Variants in IFNGR2 observed in about 807,000 individuals in gnomAD.
IFNGR2 encodes the protein IFN-gamma receptor 2.
A neutral mutation model predicts 41.1 loss-of-function variants in IFNGR2; 15 were observed. That is an observed-to-expected ratio of 0.37 (90% CI 0.24 to 0.56). IFNGR2 has a LOEUF of 0.56. Among genes scored for constraint, IFNGR2 ranks in the 20% least tolerant of loss-of-function variants. The pLI, the probability that IFNGR2 is intolerant of heterozygous loss-of-function variation, is 0.81. For missense variants in IFNGR2, 362 were observed against 415.7 expected, an observed-to-expected ratio of 0.87 and a Z score of 1.12; for synonymous variants, 161 against 171.6, an observed-to-expected ratio of 0.94 and a Z score of 0.48.
rs1389250267 is a variant in IFNGR2 at position 33,415,040 on chromosome 21, G to A, written c.206+20G>A. 1.9e-6 allele frequency: 3 copies of A among 1,613,710 alleles called. No individual in the cohort carries two copies. The East Asian group carries it at 6.7e-5, about 36-fold the overall frequency. On this transcript the variant is annotated intron_variant, in intron 2 of 6. Transcript: ENST00000290219. ...TAAATAGTAAGCCGGTATTTCTGTT[G>A]GATCCTTGCTGGGAGCTGTGGGGGC...
rs17878895 is a variant in IFNGR2 at position 33,437,180 on chromosome 21, G to A, written c.*218G>A. On this transcript the variant is annotated 3_prime_UTR_variant, in exon 7 of 7. Coordinates refer to ENST00000290219, the MANE Select transcript of IFNGR2 (RefSeq NM_005534.4). ...AAATCAAATTCCAGAATGATTTTACGGAGATATCCCAGGAAAATTAAGGCT... is the reference window on the plus strand; with the variant it reads ...AAATCAAATTCCAGAATGATTTTACAGAGATATCCCAGGAAAATTAAGGCT... 40 of 541,110 alleles carry A rather than the reference G, an allele frequency of 7.4e-5. No individual in the cohort carries two copies. The highest frequency in any genetic ancestry group is 5.4e-4 in the Admixed American group (17 of 31,430). 33.5% of individuals were successfully genotyped at this position (541,110 alleles called of 1,614,324 possible).
Position 33,421,552 on chromosome 21 carries a change from G to A in IFNGR2, c.279G>A (p.Glu93=). Residue 93 remains glutamate (E), a synonymous_variant, in exon 3 of 7, where the codon GAG becomes GAA. Coordinates refer to ENST00000290219, the MANE Select transcript of IFNGR2 (RefSeq NM_005534.4). The stretch of plus-strand genomic sequence containing the variant: ...ATTGTACACAGATCACAGCAACAGA[G>A]TGTGACTTCACTGCCGCCAGTCCCT... ...GVNCTQITAT[E]CDFTAASPSA... is the part of the protein sequence containing the mutation. The A allele has an allele frequency of 6.8e-6, 11 of 1,614,030 alleles. No homozygotes were observed. Among genetic ancestry groups the A allele is most frequent in the Non-Finnish European group, 9.3e-6 (11 of 1,179,974 alleles).
Position 33,411,306 on chromosome 21 carries a change from G to A in IFNGR2, c.74-3582G>A, listed in dbSNP as rs1215181342. On this transcript the variant is annotated intron_variant, in intron 1 of 6. Transcript: ENST00000290219. ...GTTCCACGCGTCGCTTGGGGTGGAA[G>A]CCCTTCCTTGTCCCCTCGCCACCCA... 1.6e-5 allele frequency: 6 copies of A among 379,050 alleles called. No individual in the cohort carries two copies. The East Asian group carries it at 3.6e-4, about 23-fold the overall frequency. The allele number at this position is 379,050 out of a possible 1,614,324, so 23.5% of individuals were successfully genotyped here.
chr21:33,414,811 G>A (rs2083742342), intron 1 of IFNGR2, 77 bp from the exon 2 acceptor site: 1 of 1,460,474 alleles, frequency 6.8e-7, no homozygotes, highest in African/African-American at 1.4e-5. Flanking sequence ...TTAGATAATG[G>A]ACATTGAAAC....
intron 3 of IFNGR2, among the ~76,000 whole-genome samples, chr21:33,425,513 G>A (rs951243570): frequency 6.6e-6 from 1 of 152,240 alleles, no homozygotes; most frequent in African/African-American, 2.4e-5. Flanking sequence ...CCCAAAGAAT[G>A]TGTCCAAAGC....
intron 2 of IFNGR2, among the ~76,000 whole-genome samples, chr21:33,420,304 G>A (rs1327467807): frequency 6.6e-6 from 1 of 152,128 alleles, no homozygotes; most frequent in East Asian, 1.9e-4. Flanking sequence ...TGCTGTTGTA[G>A]GGGGATACTG....
chr21:33,413,186 C>T (rs1439124915), intron 1 of IFNGR2, among the ~76,000 whole-genome samples: 2 of 152,224 alleles, frequency 1.3e-5, no homozygotes, highest in African/African-American at 4.8e-5. Flanking sequence ...CTGGAAGCAT[C>T]CAGTCCCCAA....
intron 4 of IFNGR2, 69 bp from the exon 5 acceptor site, chr21:33,432,108 A>ACAT: frequency 7.2e-7 from 1 of 1,384,816 alleles, no homozygotes; most frequent in Non-Finnish European, 1.0e-6. Flanking sequence ...ATTTGAGGAA[A>ACAT]CATCAGAAAA....
In IFNGR2 at chr21:33,432,236, G is replaced by A. The variant is rs1162160087; in HGVS notation, c.621G>A (p.Val207=). 13 of 1,613,864 alleles carry A rather than the reference G, an allele frequency of 8.1e-6. No homozygotes were observed. Among genetic ancestry groups the A allele is most frequent in the Non-Finnish European group, 1.1e-5 (13 of 1,179,834 alleles). The change falls in exon 5 of 7, where the codon GTG becomes GTA. Residue 207 remains valine, a synonymous_variant. Transcript: ENST00000290219. ...ISLDNLKPSR[V]YCLQVQAQLL... is the part of the protein sequence containing the mutation. ...TGGATAACTTAAAACCCTCCAGAGT[G>A]TACTGTTTACAAGTCCAGGCACAAC... is the stretch of plus-strand genomic sequence containing the variant.
chr21:33,436,705 G>GT lies in IFNGR2; in HGVS notation c.880-122dup, dbSNP rs1429635267. Reference sequence around the variant, plus strand: ...CCACTATACTCCAGCCTAGGCAAGAGTAAGACTCCATCTCAAAAAAAAAAT... The same window carrying GT: ...CCACTATACTCCAGCCTAGGCAAGAGTTAAGACTCCATCTCAAAAAAAAAAT... On this transcript the variant is annotated intron_variant, in intron 6 of 6. Transcript: ENST00000290219. 30 of 745,756 alleles carry GT rather than the reference G, an allele frequency of 4.0e-5. No individual in the cohort carries two copies. The South Asian group carries it at 5.1e-4, about 13-fold the overall frequency. The allele number at this position is 745,756 out of a possible 1,614,324, so 46.2% of individuals were successfully genotyped here.
intron 3 of IFNGR2, among the ~76,000 whole-genome samples, chr21:33,425,328 C>T (rs1430944275): frequency 6.6e-6 from 1 of 152,232 alleles, no homozygotes; most frequent in Non-Finnish European, 1.5e-5. Context: ...AGCCAGCCTT[C>T]CTCCAGTGCT....
intron 4 of IFNGR2, among the ~76,000 whole-genome samples, chr21:33,430,814 T>C (rs2083879501): frequency 6.6e-6 from 1 of 152,164 alleles, no homozygotes; most frequent in Admixed American, 6.6e-5. Flanking sequence ...CTTTTTTCAG[T>C]TAACAATTTA....
intron 1 of IFNGR2, among the ~76,000 whole-genome samples, chr21:33,407,448 G>A (rs1383211242): frequency 2.0e-5 from 3 of 152,178 alleles, no homozygotes; most frequent in Non-Finnish European, 4.4e-5. Context: ...TTGGTCAGAC[G>A]AGATGCCAAG....
intron 1 of IFNGR2, among the ~76,000 whole-genome samples, chr21:33,409,469 T>C (rs1054161340): frequency 6.6e-6 from 1 of 152,106 alleles, no homozygotes; most frequent in African/African-American, 2.4e-5. Flanking sequence ...AGAGTGAGAC[T>C]CTGTCTCAAA....
At position 33,405,674 on chromosome 21, in the gene IFNGR2, AT is replaced by A. The variant is rs2083672821; in HGVS notation, c.73+2060del. On this transcript the variant is annotated intron_variant, in intron 1 of 6. Transcript: ENST00000290219. ...CAGCTACCTGTCCATCTTGTTAATG[AT>A]TAACTTTAATTGTATTCTACAAAAG... 2.6e-5 allele frequency among the ~76,000 whole-genome samples: 4 copies of A among 152,332 alleles called. No homozygotes were observed. In the South Asian group the frequency reaches 8.3e-4, roughly 32 times the overall value.
chr21:33,426,345 G>A (rs537363429), intron 3 of IFNGR2, among the ~76,000 whole-genome samples: 5 of 152,172 alleles, frequency 3.3e-5, no homozygotes, highest in South Asian at 2.1e-4. Context: ...CCTGGAAGGC[G>A]GAGGTTGCAG....
At chr21:33,435,554 G>T (rs887697564) in intron 6 of IFNGR2, among the ~76,000 whole-genome samples, 1 of 152,126 alleles carries the variant, frequency 6.6e-6, no homozygotes, top group Non-Finnish European at 1.5e-5. Flanking sequence ...GAGTATTAAA[G>T]TGATTACTGA....
chr21:33,411,451 G>T (rs2083715114), intron 1 of IFNGR2: 1 of 470,868 alleles, frequency 2.1e-6, no homozygotes, highest in African/African-American at 2.0e-5. Flanking sequence ...CCAGAGATGG[G>T]AGATGGTGAA....
intron 1 of IFNGR2, among the ~76,000 whole-genome samples, chr21:33,412,135 G>C (rs1178950097): frequency 1.3e-5 from 2 of 152,130 alleles, no homozygotes; most frequent in Non-Finnish European, 2.9e-5. Context: ...ATGTGTTACA[G>C]TGATAAGAAG....
Sources: allele counts gnomAD v4.1 joint callset (sites outside exome capture counted in the v4.1 genomes callset), GRCh38; gene constraint gnomAD v4.1.1; transcripts MANE v1.5; gene names NCBI Gene and HGNC (gene_info 2026-07-23, HGNC 2026-07-21).